The following KLF12 variants were observed in gnomAD, a reference collection of about 807,000 sequenced individuals.
The protein encoded by KLF12 is Krueppel-like factor 12.
KLF12 carries 9 observed loss-of-function variants against 37.8 expected under a neutral mutation model. The observed-to-expected ratio is 0.24, with a 90% confidence interval of 0.14 to 0.42. The LOEUF (loss-of-function observed/expected upper bound fraction) is 0.42. KLF12 is among the 10% of genes least tolerant of loss of function. The pLI is 1.00. For synonymous variants in KLF12, 208 were observed against 202.1 expected (o/e 1.03, Z -0.25); for missense variants, 411 against 516.0 (o/e 0.80, Z 1.97).
chr13:73,862,232 TTTA>T (rs1566424156), intron 3 of KLF12, among the ~76,000 whole-genome samples: 1 of 152,178 alleles, frequency 6.6e-6, no homozygotes, highest in African/African-American at 2.4e-5. Context: ...TTGAATTAGT[TTTA>T]CAACATGTAA....
chr13:73,795,231 C>T (rs368963541), intron 5 of KLF12, among the ~76,000 whole-genome samples: 8 of 152,116 alleles, frequency 5.3e-5, no homozygotes, highest in East Asian at 3.8e-4. Context: ...GTATTGAATG[C>T]TCAATAAATG....
At chr13:74,040,860 T>G (rs573437364) in intron 1 of KLF12, among the ~76,000 whole-genome samples, 1 of 152,338 alleles carries the variant, frequency 6.6e-6, no homozygotes, top group South Asian at 2.1e-4. Context: ...ATCTGCCCTC[T>G]CCAAAGCTCA....
At chr13:74,268,620 T>G in the KLF12 span, among the ~76,000 whole-genome samples, 119,096 of 152,056 alleles carry the variant, frequency 0.78, 46,892 homozygotes, top group East Asian at 0.99. Flanking sequence ...AGATTGGAAC[T>G]CCTGTTCAGG....
At chr13:73,980,442 T>C (rs1891661664) in intron 2 of KLF12, among the ~76,000 whole-genome samples, 1 of 152,162 alleles carries the variant, frequency 6.6e-6, no homozygotes, top group Non-Finnish European at 1.5e-5. Flanking sequence ...AAATATCCTA[T>C]ATAAAATATT....
intron 3 of KLF12, among the ~76,000 whole-genome samples, chr13:73,920,140 G>A (rs774046882): frequency 2.0e-5 from 3 of 152,124 alleles, no homozygotes; most frequent in Non-Finnish European, 2.9e-5. Context: ...ACTATGAGAT[G>A]TAACTGGTGC....
At chr13:74,300,010 C>T in the KLF12 span, among the ~76,000 whole-genome samples, 1 of 151,998 alleles carries the variant, frequency 6.6e-6, no homozygotes, top group African/African-American at 2.4e-5. Flanking sequence ...AGAAAGCAGA[C>T]TCCCTGTATG....
chr13:73,960,443 A>G (rs1275696410), intron 2 of KLF12: 46 of 233,618 alleles, frequency 2.0e-4, no homozygotes, highest in East Asian at 1.1e-4. Flanking sequence ...AATGCTTGAC[A>G]GTTCAAAATG....
At chr13:73,963,349 T>TATAC in intron 2 of KLF12, among the ~76,000 whole-genome samples, 1 of 51,320 alleles carries the variant, frequency 1.9e-5, no homozygotes, top group Non-Finnish European at 6.2e-5. Flanking sequence ...AGTACTTCAG[T>TATAC]ATACACACAC....
At chr13:74,132,558 T>C (rs1391038251) in intron 1 of KLF12, among the ~76,000 whole-genome samples, 1 of 152,170 alleles carries the variant, frequency 6.6e-6, no homozygotes, top group Non-Finnish European at 1.5e-5. Flanking sequence ...TCTATACAGT[T>C]AAATTAGAGT....
rs145992422 is a variant in KLF12, at chr13:74,050,428, C to A, written c.-31-55375G>T. Among the ~76,000 whole-genome samples, 820 of 152,206 alleles carry A rather than the reference C, an allele frequency of 5.4e-3. 11 individuals are homozygous for A. Among genetic ancestry groups the A allele is most frequent in the African/African-American group, 0.019 (770 of 41,524 alleles). On this transcript the variant is annotated intron_variant, in intron 1 of 7. Transcript: ENST00000377669. The stretch of plus-strand genomic sequence containing the variant: ...GAGAGTACACAAAGAAGGAAAAAAT[C>A]TTGATATGAGGAGACAAAGGACACA...
chr13:73,817,043 A>C (rs1361450504), intron 4 of KLF12, among the ~76,000 whole-genome samples: 1 of 152,220 alleles, frequency 6.6e-6, no homozygotes, highest in African/African-American at 2.4e-5. Flanking sequence ...GGCTGGGTGC[A>C]GTGGCTCACA....
At chr13:74,245,336 T>A in the KLF12 span, among the ~76,000 whole-genome samples, 1 of 149,804 alleles carries the variant, frequency 6.7e-6, no homozygotes, top group Non-Finnish European at 1.5e-5. Context: ...TATCTATCTA[T>A]CTATCATCTA....
chr13:74,021,845 C>T (rs1346023371), intron 1 of KLF12, among the ~76,000 whole-genome samples: 2 of 152,110 alleles, frequency 1.3e-5, no homozygotes, highest in Non-Finnish European at 2.9e-5. Context: ...ACAAGAACTT[C>T]GGATAGCAAT....
rs1873552751 is a variant in KLF12 at position 73,687,333 on chromosome 13, C to G, written c.*8157G>C. On this transcript the variant is annotated 3_prime_UTR_variant, in exon 8 of 8. Transcript: ENST00000377669. Reference sequence around the variant, plus strand: ...AGACATGAACAAAACAATACAGTCACTACCCCACAGGGGGACAGTGATTTT... The same window carrying G: ...AGACATGAACAAAACAATACAGTCAGTACCCCACAGGGGGACAGTGATTTT... The G allele has an allele frequency of 6.6e-6, 1 of 152,620 alleles. No individual in the cohort carries two copies. Among genetic ancestry groups the G allele is most frequent in the Admixed American group, 6.5e-5 (1 of 15,286 alleles). The allele number at this position is 152,620 out of a possible 1,614,324, so 9.5% of individuals were successfully genotyped here.
chr13:74,151,766 G>T, the KLF12 span, among the ~76,000 whole-genome samples: 1 of 152,114 alleles, frequency 6.6e-6, no homozygotes, highest in Non-Finnish European at 1.5e-5. Context: ...ACAAATCAGG[G>T]AACAGACTTG....
chr13:74,222,209 C>T, the KLF12 span, among the ~76,000 whole-genome samples: 16 of 152,324 alleles, frequency 1.1e-4, no homozygotes, highest in South Asian at 3.3e-3. Flanking sequence ...TCTTGGGGCA[C>T]TCTAATTTTC....
At chr13:73,815,431 C>T (rs1055669266) in intron 4 of KLF12, among the ~76,000 whole-genome samples, 4 of 152,250 alleles carry the variant, frequency 2.6e-5, no homozygotes, top group South Asian at 2.1e-4. Flanking sequence ...AGATGAACAA[C>T]CAACACTAAA....
At chr13:73,819,731 T>C (rs1337996462) in intron 4 of KLF12, among the ~76,000 whole-genome samples, 1 of 152,150 alleles carries the variant, frequency 6.6e-6, no homozygotes, top group Non-Finnish European at 1.5e-5. Flanking sequence ...GGTTGCATAG[T>C]GGCAGTGGAC....
intron 1 of KLF12, among the ~76,000 whole-genome samples, chr13:74,066,890 T>A (rs1238495749): frequency 2.0e-5 from 3 of 152,146 alleles, no homozygotes; most frequent in African/African-American, 7.2e-5. Context: ...AATATACAGC[T>A]TTAAGCAAAT....
Sources: allele counts gnomAD v4.1 joint callset (sites outside exome capture counted in the v4.1 genomes callset), GRCh38; gene constraint gnomAD v4.1.1; transcripts MANE v1.5; gene names NCBI Gene and HGNC (gene_info 2026-07-23, HGNC 2026-07-21).